RNF213: variants seen among roughly 807,000 people sequenced by gnomAD.
RNF213 encodes ring finger protein 213.
Under a neutral mutation model 514.4 loss-of-function variants are expected in RNF213, and 341 were observed. The ratio of observed to expected loss-of-function variants is 0.66; its 90% CI spans 0.61 to 0.73. RNF213 has a LOEUF of 0.73. Ranked by LOEUF, RNF213 falls within the 30% of genes least tolerant of loss-of-function variation. RNF213 has a pLI of 0.00. For missense variants in RNF213, 5,767 were observed against 6,615.6 expected, an observed-to-expected ratio of 0.87 and a Z score of 4.45; for synonymous variants, 2,655 against 2,658.2, an observed-to-expected ratio of 1.00 and a Z score of 0.04.
rs1328560745 is a variant in RNF213 at position 80,332,088 on chromosome 17, C to G, written c.3600C>G (p.Ser1200=). Residue 1200 remains serine, a synonymous_variant, in exon 21 of 68, where the codon TCC becomes TCG. Transcript: ENST00000582970. ...RLNDTVTVRL[S]TSSNSQRATH... ...ATGACACCGTGACAGTGAGACTGTC[C>G]ACCTCCTCGAACTCGCAGAGGGCAA... is the stretch of plus-strand genomic sequence containing the variant. The G allele has an allele frequency of 6.5e-7, 1 of 1,537,178 alleles. No individual in the cohort carries two copies. The highest frequency in any genetic ancestry group is 2.4e-5 in the East Asian group (1 of 40,928).
At position 80,346,384 on chromosome 17, in the gene RNF213, G is replaced by A; in HGVS notation, c.8049G>A (p.Trp2683Ter). 1.9e-6 allele frequency: 3 copies of A among 1,613,284 alleles called. No individual in the cohort carries two copies. The highest frequency in any genetic ancestry group is 8.5e-7 in the Non-Finnish European group (1 of 1,179,974). ...KNHTERDPVL[W>*]SLMLAIGVCY... ...ACACCGAGAGAGATCCCGTCCTCTG[G>A]TCGTTGATGCTGGCCATCGGGGTGT... Residue 2683 changes from tryptophan to a stop codon, truncating the protein, a stop_gained, in exon 29 of 68, where the codon TGG becomes TGA. Transcript: ENST00000582970. LOFTEE classifies it high-confidence loss of function. This position sits in a 1 kb window ranked among gnomAD's most constrained non-coding sequence, Gnocchi z 8.1.
At chr17:80,373,600 C>T (rs999725271) in intron 49 of RNF213, among the ~76,000 whole-genome samples, 1 of 152,042 alleles carries the variant, frequency 6.6e-6, no homozygotes, top group African/African-American at 2.4e-5. Flanking sequence ...CCTTTGCTTT[C>T]AGCGAATTAA....
Position 80,363,714 on chromosome 17 carries a change from C to T in RNF213, c.11674C>T (p.Pro3892Ser), listed in dbSNP as rs1183657930. 1 of 1,613,870 alleles carries T rather than the reference C, an allele frequency of 6.2e-7. No homozygotes were observed. Among genetic ancestry groups the T allele is most frequent in the South Asian group, 1.1e-5 (1 of 91,044 alleles). ...WLQLVKNLSM[P>S]LELICSDEHM... ...ACAGTTGGTGAAGAATCTTTCCATG[C>T]CGCTGGAGCTCATCTGCTCCGATGA... The change falls in exon 41 of 68, where the codon CCG becomes TCG. Residue 3892 changes from proline to serine, a missense_variant. Transcript: ENST00000582970.
At chr17:80,379,784 G>A in intron 55 of RNF213, 70 bp downstream of exon 55, 1 of 1,228,732 alleles carries the variant, frequency 8.1e-7, no homozygotes, top group South Asian at 1.2e-5. Flanking sequence ...TATTCCAGCT[G>A]ATAAAGTGAT....
At chr17:80,275,537 C>G (rs1006275316) in intron 3 of RNF213, among the ~76,000 whole-genome samples, 2 of 152,048 alleles carry the variant, frequency 1.3e-5, no homozygotes, top group Non-Finnish European at 1.5e-5. Context: ...AATGCTCGAG[C>G]AGGACGCACT....
chr17:80,291,961 G>C, intron 8 of RNF213, 134 bp downstream of exon 8: 2 of 902,698 alleles, frequency 2.2e-6, no homozygotes, highest in South Asian at 1.4e-5. Context: ...CATTGACCCC[G>C]CCCCAGCCTC....
At chr17:80,367,378 A>G (rs994038488) in intron 42 of RNF213, among the ~76,000 whole-genome samples, 2 of 152,232 alleles carry the variant, frequency 1.3e-5, no homozygotes, top group African/African-American at 4.8e-5. Context: ...AAAAATTTAA[A>G]AATTTTAAAA....
intron 10 of RNF213, 47 bp downstream of exon 10, chr17:80,295,860 T>A (rs1392283271): frequency 1.9e-6 from 3 of 1,602,410 alleles, no homozygotes; most frequent in Non-Finnish European, 2.6e-6. Context: ...ATTATAATGA[T>A]TTTCTCTGAT....
chr17:80,276,016 A>G (rs1463003532), intron 3 of RNF213, among the ~76,000 whole-genome samples: 1 of 150,526 alleles, frequency 6.6e-6, no homozygotes, highest in Non-Finnish European at 1.5e-5. Context: ...GTTTAAGGAA[A>G]TCTCTATCAA....
chr17:80,314,357 GGAGGTGATGGCGGTC>G (rs2045755886), intron 15 of RNF213, among the ~76,000 whole-genome samples: 1 of 5,306 alleles, frequency 1.9e-4, no homozygotes, highest in East Asian at 7.1e-3. Context: ...TGGAGGTACT[GGAGGTGATGGCGGTC>G]GTGGAGGTGA....
chr17:80,357,961 T>C (rs1191702697), intron 36 of RNF213, among the ~76,000 whole-genome samples: 1 of 152,208 alleles, frequency 6.6e-6, no homozygotes, highest in Non-Finnish European at 1.5e-5. Flanking sequence ...ACACCGCAGT[T>C]GGCGTGACAG....
Position 80,346,595 on chromosome 17 carries a change from A to C in RNF213, c.8260A>C (p.Met2754Leu). The C allele has an allele frequency of 1.2e-6, 2 of 1,613,318 alleles. No individual in the cohort carries two copies. The highest frequency in any genetic ancestry group is 1.7e-6 in the Non-Finnish European group (2 of 1,180,032). ...KNLALKENVFMMVVCIELKIP... is the reference protein window; with the variant it reads ...KNLALKENVFLMVVCIELKIP... ...CTTGGCCTTGAAGGAGAACGTCTTC[A>C]TGATGGTCGTCTGCATCGAGCTGAA... The change falls in exon 29 of 68, where the codon ATG becomes CTG. Residue 2754 changes from methionine to leucine, a missense_variant. Coordinates refer to ENST00000582970, the MANE Select transcript of RNF213 (RefSeq NM_001256071.3). This position sits in a 1 kb window ranked among gnomAD's most constrained non-coding sequence, Gnocchi z 8.1.
chr17:80,351,413 A>G (rs2078507261), intron 31 of RNF213, among the ~76,000 whole-genome samples: 2 of 152,264 alleles, frequency 1.3e-5, no homozygotes, highest in South Asian at 4.1e-4. Flanking sequence ...TTTCTGGTCA[A>G]CGAAGGAATG....
chr17:80,334,074 T>G (rs1394811726), intron 21 of RNF213, 31 bp from the exon 22 acceptor site: 1 of 1,536,748 alleles, frequency 6.5e-7, no homozygotes, highest in East Asian at 2.4e-5. Context: ...GGTTAATGAG[T>G]TCCAGTCCAC....
intron 3 of RNF213, among the ~76,000 whole-genome samples, chr17:80,276,375 C>T (rs746323542): frequency 5.3e-5 from 8 of 152,152 alleles, no homozygotes; most frequent in Non-Finnish European, 5.9e-5. Context: ...GCTGGGATTA[C>T]GGGCGTGAGC....
chr17:80,286,472 C>T (rs1365852312), intron 3 of RNF213, among the ~76,000 whole-genome samples: 2 of 152,124 alleles, frequency 1.3e-5, no homozygotes, highest in East Asian at 3.8e-4. Flanking sequence ...TGTCCAGCTG[C>T]GGCCTCGTCA....
chr17:80,278,840 C>G, intron 3 of RNF213: 1 of 1,537,176 alleles, frequency 6.5e-7, no homozygotes, highest in Non-Finnish European at 8.7e-7. Context: ...AATGCCATAC[C>G]CAGCAAGAGA....
rs1254803046 is a variant in RNF213, at chr17:80,338,015, C to A, written c.4833+18C>A. The A allele has an allele frequency of 6.5e-7, 1 of 1,537,224 alleles. No individual in the cohort carries two copies. The highest frequency in any genetic ancestry group is 8.7e-7 in the Non-Finnish European group (1 of 1,146,896). Reference sequence around the variant, plus strand: ...TTTCAGAGGTGAGGGCGCATCTTTGCAGTGGCGCTAAGCTGGTGGTGTCAT... The same window carrying A: ...TTTCAGAGGTGAGGGCGCATCTTTGAAGTGGCGCTAAGCTGGTGGTGTCAT... On this transcript the variant is annotated intron_variant, in intron 25 of 67. Transcript: ENST00000582970.
intron 13 of RNF213, 112 bp from the exon 14 acceptor site, chr17:80,308,906 C>G: frequency 7.5e-7 from 1 of 1,327,024 alleles, no homozygotes; most frequent in Admixed American, 1.7e-5. Context: ...TAAGGTCAAA[C>G]AAATGCCCTG....
Sources: allele counts gnomAD v4.1 joint callset (sites outside exome capture counted in the v4.1 genomes callset), GRCh38; gene constraint gnomAD v4.1.1; non-coding constraint Gnocchi (gnomAD v3.1); transcripts MANE v1.5; gene names NCBI Gene and HGNC (gene_info 2026-07-23, HGNC 2026-07-21).